POSTN: variants seen among roughly 807,000 people sequenced by gnomAD.
POSTN encodes periostin, also known as osteoblast specific factor 2 (fasciclin I-like).
A neutral mutation model predicts 104.5 loss-of-function variants in POSTN; 71 were observed. The observed-to-expected ratio is 0.68, with a 90% CI of 0.56 to 0.83. The LOEUF (loss-of-function observed/expected upper bound fraction) is 0.83, where lower values mean the gene tolerates loss of function less well. Among genes scored for constraint, POSTN ranks in the 40% least tolerant of loss-of-function variants. POSTN has a pLI of 0.00. For missense variants in POSTN, 949 were observed against 1,006.8 expected (o/e 0.94, Z 0.78); for synonymous variants, 355 against 340.7 (o/e 1.04, Z -0.46).
chr13:37,586,252 T>C lies in POSTN; in HGVS notation c.782A>G (p.Glu261Gly). 1 of 1,612,802 alleles carries C rather than the reference T, an allele frequency of 6.2e-7. No homozygotes were observed. The highest frequency in any genetic ancestry group is 8.5e-7 in the Non-Finnish European group (1 of 1,179,488). ...RAAAITSDIL[E>G]ALGRDGHFTL... ...GAAGTGACCGTCTCTTCCAAGGGCC[T>C]CCAATATGTCCGATGTGATGGCAGC... Residue 261 changes from glutamate (E) to glycine (G), a missense_variant, in exon 7 of 23, where the codon GAG becomes GGG. Physicochemically the swap from Glu to Gly is moderately conservative, Grantham distance 98 (BLOSUM62 -2). Coordinates refer to ENST00000379747, the MANE Select transcript of POSTN (RefSeq NM_006475.3).
rs760882465 is a variant in POSTN at position 37,569,772 on chromosome 13, T to A, written c.2319A>T (p.Glu773Asp). 1 of 1,604,862 alleles carries A rather than the reference T, an allele frequency of 6.2e-7. No individual in the cohort carries two copies. Among genetic ancestry groups the A allele is most frequent in the Non-Finnish European group, 8.5e-7 (1 of 1,172,424 alleles). ...TRISTGGGETEETLKKLLQEE... is the reference protein window; with the variant it reads ...TRISTGGGETDETLKKLLQEE... ...CTTGTAACAATTTCTTCAGAGTTTC[T>A]TCTGTTTCTCCACCTCCAGTAGAAA... The change falls in exon 20 of 23, where the codon GAA becomes GAT. Residue 773 changes from glutamate (E) to aspartate (D), a missense_variant. Glu to Asp is a conservative substitution (Grantham distance 45, BLOSUM62 2). Transcript: ENST00000379747.
chr13:37,574,610 A>C lies in POSTN; in HGVS notation c.2051T>G (p.Val684Gly). The change falls in exon 17 of 23, where the codon GTG becomes GGG. Residue 684 changes from valine (V) to glycine (G), a missense_variant. Coordinates refer to ENST00000379747, the MANE Select transcript of POSTN (RefSeq NM_006475.3). ...ITKVVEPKIK[V>G]IEGSLQPIIK... ...AATAGGCTGAAGACTGCCTTCAATC[A>C]CTTTAATTTTTGGTTCCACAACTTT... 5 of 1,599,676 alleles carry C rather than the reference A, an allele frequency of 3.1e-6. No homozygotes were observed. Among genetic ancestry groups the C allele is most frequent in the Non-Finnish European group, 4.3e-6 (5 of 1,175,046 alleles).
intron 2 of POSTN, among the ~76,000 whole-genome samples, chr13:37,594,902 A>G (rs1173096664): frequency 6.6e-6 from 1 of 152,160 alleles, no homozygotes; most frequent in Admixed American, 6.6e-5. Flanking sequence ...ATTTGAAATT[A>G]GCATTTACAT....
In POSTN at chr13:37,586,807, G is replaced by A. The variant is rs1218375751; in HGVS notation, c.728C>T (p.Ala243Val). The change falls in exon 6 of 23, where the codon GCA becomes GTA. Residue 243 changes from alanine (A) to valine (V), a missense_variant. Transcript: ENST00000379747. ...IGTSIQDFIE[A>V]EDDLSSFRAA... ...TCTAAAAGATGAAAGGTCATCTTCT[G>A]CTTCAATGAAGTCTTGAATTGAGGT... The A allele has an allele frequency of 1.2e-6, 2 of 1,612,962 alleles. No homozygotes were observed. Among genetic ancestry groups the A allele is most frequent in the Middle Eastern group, 1.7e-4 (1 of 6,056 alleles).
At position 37,592,121 on chromosome 13, in the gene POSTN, C is replaced by T. The variant is rs757511539; in HGVS notation, c.262G>A (p.Gly88Arg). 3.1e-6 allele frequency: 5 copies of T among 1,606,892 alleles called. No individual in the cohort carries two copies. The highest frequency in any genetic ancestry group is 3.4e-6 in the Non-Finnish European group (4 of 1,173,796). The change falls in exon 3 of 23, where the codon GGA becomes AGA. Residue 88 changes from glycine to arginine, a missense_variant. Physicochemically the swap from Gly to Arg is moderately radical, Grantham distance 125. Transcript: ENST00000379747. Reference sequence around the variant, plus strand: ...TTACCTGCTGGGCAGCCTTTCATTCCTTCCATTCTCATATAACCAGGGCAA... The same window carrying T: ...TTACCTGCTGGGCAGCCTTTCATTCTTTCCATTCTCATATAACCAGGGCAA... ...ECCPGYMRME[G>R]MKGCPAVLPI...
At chr13:37,596,782 T>C (rs1951097529) in intron 2 of POSTN, among the ~76,000 whole-genome samples, 1 of 152,248 alleles carries the variant, frequency 6.6e-6, no homozygotes. Flanking sequence ...GAAACTCTGA[T>C]ATTTTAAATC....
At chr13:37,568,250 TG>T (rs1950171344) in intron 21 of POSTN, among the ~76,000 whole-genome samples, 1 of 152,056 alleles carries the variant, frequency 6.6e-6, no homozygotes, top group African/African-American at 2.4e-5. Context: ...AATCATTGGT[TG>T]AATTAAAAAT....
chr13:37,572,352 C>T (rs1165896548), intron 17 of POSTN, among the ~76,000 whole-genome samples: 1 of 151,190 alleles, frequency 6.6e-6, no homozygotes, highest in Non-Finnish European at 1.5e-5. Context: ...TAGAACAATC[C>T]AAAATAATGA....
intron 4 of POSTN, among the ~76,000 whole-genome samples, 161 bp downstream of exon 4, chr13:37,590,210 TA>T (rs1950887135): frequency 6.6e-6 from 1 of 152,166 alleles, no homozygotes; most frequent in Non-Finnish European, 1.5e-5. Context: ...ACGGATGTAT[TA>T]AGATATTTTA....
Position 37,571,332 on chromosome 13 carries a change from C to T in POSTN, c.2179+37G>A, listed in dbSNP as rs371177493. The T allele has an allele frequency of 2.0e-4, 261 of 1,315,954 alleles. 1 individual carries two copies. The African/African-American group carries it at 3.6e-3, about 18-fold the overall frequency. 81.5% of individuals were successfully genotyped at this position (1,315,954 alleles called of 1,614,324 possible). A position where few individuals can be genotyped will look rare whatever the true frequency, so the allele number is the denominator to read the frequency against. On this transcript the variant is annotated intron_variant, in intron 18 of 22. Coordinates refer to ENST00000379747, the MANE Select transcript of POSTN (RefSeq NM_006475.3). The stretch of plus-strand genomic sequence containing the variant: ...CAACACTATTTCAAAATAATCACAG[C>T]GAAGGTAGTCGGCCCCAGGTAACAT...
intron 18 of POSTN, 92 bp from the exon 19 acceptor site, chr13:37,570,761 C>G: frequency 1.2e-6 from 1 of 800,170 alleles, no homozygotes; most frequent in Non-Finnish European, 2.1e-6. Flanking sequence ...AACTATATTT[C>G]TACAAATATT....
intron 1 of POSTN, 68 bp from the exon 2 acceptor site, chr13:37,597,350 T>A: frequency 1.0e-6 from 1 of 984,522 alleles, no homozygotes; most frequent in Non-Finnish European, 1.5e-6. Flanking sequence ...ATCTAAAGAT[T>A]GGTTGATAGA....
intron 15 of POSTN, among the ~76,000 whole-genome samples, chr13:37,578,524 G>C (rs533614499): frequency 1.3e-5 from 2 of 152,064 alleles, no homozygotes; most frequent in African/African-American, 4.8e-5. Context: ...TAGGCTAGGC[G>C]CGGTGGCTCA....
At chr13:37,590,617 A>G in intron 3 of POSTN, 88 bp from the exon 4 acceptor site, 4 of 1,136,202 alleles carry the variant, frequency 3.5e-6, no homozygotes, top group Non-Finnish European at 3.5e-6. Context: ...TGTGTTTCCC[A>G]AGACATTTAG....
At position 37,579,371 on chromosome 13, in the gene POSTN, T is replaced by C; in HGVS notation, c.1661-12A>G. On this transcript the variant is annotated splice_polypyrimidine_tract_variant and intron_variant, in intron 12 of 22. Coordinates refer to ENST00000379747, the MANE Select transcript of POSTN (RefSeq NM_006475.3). ...AGCATTTTTGTCCCCTAGGGGAAAA[T>C]ATATGTTTATTTTTATTGAATAATA... The C allele has an allele frequency of 2.6e-6, 4 of 1,540,228 alleles. No individual in the cohort carries two copies. The South Asian group carries it at 4.6e-5, about 18-fold the overall frequency.
chr13:37,582,337 G>A, intron 10 of POSTN, 29 bp downstream of exon 10: 10 of 1,579,954 alleles, frequency 6.3e-6, no homozygotes, highest in Non-Finnish European at 8.6e-6. Flanking sequence ...TCATTTGACA[G>A]ACTTTTTATT....
chr13:37,565,492 A>G (rs1020856356), intron 21 of POSTN: 1 of 152,034 alleles, frequency 6.6e-6, no homozygotes, highest in Non-Finnish European at 1.5e-5. Context: ...CATGTTTTCA[A>G]TTCGCTGAAA....
At chr13:37,587,050 G>A (rs1950768091) in intron 5 of POSTN, 122 bp from the exon 6 acceptor site, 1 of 787,326 alleles carries the variant, frequency 1.3e-6, no homozygotes, top group Admixed American at 3.1e-5. Flanking sequence ...AAACTACATT[G>A]TAAATGTAAA....
At chr13:37,591,548 A>G (rs1170637391) in intron 3 of POSTN, among the ~76,000 whole-genome samples, 1 of 152,180 alleles carries the variant, frequency 6.6e-6, no homozygotes, top group East Asian at 1.9e-4. Context: ...AGTCTGTGTC[A>G]TATTAAAAGA....
Sources: gnomAD v4.1 joint callset for allele counts (sites outside exome capture counted in the v4.1 genomes callset) on GRCh38, gnomAD v4.1.1 for gene constraint, MANE v1.5 for transcripts, NCBI Gene and HGNC (gene_info 2026-07-23, HGNC 2026-07-21) for gene names.